The following DYTN variants were observed in gnomAD, a reference collection of about 807,000 sequenced individuals.
DYTN encodes the protein dystrotelin.
In DYTN, 75 loss-of-function variants were observed where a neutral mutation model predicts 69.6. The observed-to-expected ratio is 1.08, with a 90% CI of 0.89 to 1.31. The LOEUF (loss-of-function observed/expected upper bound fraction) is 1.31, where lower values mean the gene tolerates loss of function less well. DYTN is among the 50% of genes most tolerant of loss of function. DYTN has a pLI of 0.00. For missense variants in DYTN, 726 were observed against 688.4 expected, an observed-to-expected ratio of 1.05 and a Z score of -0.61; for synonymous variants, 252 against 249.1, an observed-to-expected ratio of 1.01 and a Z score of -0.11.
intron 10 of DYTN, among the ~76,000 whole-genome samples, chr2:206,664,709 G>C (rs1185800094): frequency 1.3e-5 from 2 of 152,104 alleles, no homozygotes; most frequent in Non-Finnish European, 2.9e-5. Context: ...TCAAAACTTA[G>C]AATTTTGGAA....
intron 9 of DYTN, among the ~76,000 whole-genome samples, chr2:206,670,964 C>T (rs1257569889): frequency 6.6e-6 from 1 of 152,144 alleles, no homozygotes; most frequent in African/African-American, 2.4e-5. Flanking sequence ...TTGCTTGCTA[C>T]CTGCGTGTGC....
At chr2:206,679,217 G>A (rs1384053457) in intron 9 of DYTN, 1 of 152,078 alleles carries the variant, frequency 6.6e-6, no homozygotes. Context: ...TAATTATCAG[G>A]TATGACATTG....
intron 2 of DYTN, among the ~76,000 whole-genome samples, chr2:206,709,301 T>G (rs1211856196): frequency 6.6e-6 from 1 of 151,902 alleles, no homozygotes; most frequent in Non-Finnish European, 1.5e-5. Flanking sequence ...TACAAAAAAT[T>G]GGCAGGGTGT....
intron 10 of DYTN, among the ~76,000 whole-genome samples, chr2:206,663,677 A>G (rs1477456108): frequency 1.3e-5 from 2 of 152,256 alleles, no homozygotes; most frequent in Non-Finnish European, 2.9e-5. Flanking sequence ...AGTTCTAAAA[A>G]TACCATAAGG....
At chr2:206,716,202 T>C (rs1041690456) in intron 1 of DYTN, among the ~76,000 whole-genome samples, 4 of 152,198 alleles carry the variant, frequency 2.6e-5, no homozygotes, top group Non-Finnish European at 5.9e-5. Context: ...TGATGTTTCT[T>C]GCCCTTGAGT....
chr2:206,709,349 T>A (rs1407859658), intron 2 of DYTN, among the ~76,000 whole-genome samples: 1 of 151,964 alleles, frequency 6.6e-6, no homozygotes, highest in Non-Finnish European at 1.5e-5. Context: ...CTCGGGAGGT[T>A]GAGGTGGAAG....
At chr2:206,693,680 C>T (rs1384976706) in intron 8 of DYTN, among the ~76,000 whole-genome samples, 1 of 152,130 alleles carries the variant, frequency 6.6e-6, no homozygotes, top group Non-Finnish European at 1.5e-5. Context: ...GATTTATTTC[C>T]AGCGAAATAC....
chr2:206,663,345 C>T lies in DYTN; in HGVS notation c.1191G>A (p.Gly397=). The T allele has an allele frequency of 6.2e-7, 1 of 1,612,542 alleles. No individual in the cohort carries two copies. Among genetic ancestry groups the T allele is most frequent in the Non-Finnish European group, 8.5e-7 (1 of 1,179,408 alleles). ...CAGTTGAAGAATGGTCAACCTTGTT[C>T]CCCACATTTTGAAAGGAAGAAGATG... The part of the protein sequence containing the change: ...GPSSSSFQNV[G]NKVDHSSTEK... Residue 397 remains glycine (G), a synonymous_variant, in exon 11 of 12, where the codon GGG becomes GGA. Transcript: ENST00000452335.
chr2:206,667,429 G>C (rs1699585271), intron 9 of DYTN, among the ~76,000 whole-genome samples: 1 of 152,022 alleles, frequency 6.6e-6, no homozygotes, highest in South Asian at 2.1e-4. Context: ...TTTTCAGTGA[G>C]GCATTATCTG....
At chr2:206,674,213 G>GA (rs34944664) in intron 9 of DYTN, among the ~76,000 whole-genome samples, 21,076 of 151,452 alleles carry the variant, frequency 0.14, 2,439 homozygotes, top group African/African-American at 0.31. Context: ...TGATCTTTAG[G>GA]AAAAAAAATG....
At chr2:206,691,721 G>C (rs1000738180) in intron 9 of DYTN, among the ~76,000 whole-genome samples, 1 of 152,056 alleles carries the variant, frequency 6.6e-6, no homozygotes, top group Non-Finnish European at 1.5e-5. Flanking sequence ...ATAATAGATA[G>C]CATCTAATTG....
At chr2:206,701,709 T>C (rs1253426456) in intron 5 of DYTN, among the ~76,000 whole-genome samples, 4 of 152,168 alleles carry the variant, frequency 2.6e-5, no homozygotes, top group Admixed American at 6.5e-5. Flanking sequence ...GGAATCTAAT[T>C]GCAGCATGGC....
chr2:206,679,254 T>C (rs1699724570), intron 9 of DYTN: 1 of 152,180 alleles, frequency 6.6e-6, no homozygotes, highest in African/African-American at 2.4e-5. Flanking sequence ...AAAATGTACA[T>C]TAGATATTGA....
chr2:206,677,905 G>A lies in DYTN; in HGVS notation c.981-11876C>T, dbSNP rs530725176. 5.3e-5 allele frequency among the ~76,000 whole-genome samples: 8 copies of A among 152,084 alleles called. No homozygotes were observed. In the East Asian group the frequency reaches 7.7e-4, roughly 15 times the overall value. On this transcript the variant is annotated intron_variant, in intron 9 of 11. Transcript: ENST00000452335. ...CTTGAGAGGCTGAGGCAGAATAATC[G>A]CTTGAACCCGGGAAGCGGAGGTTGC... is the stretch of plus-strand genomic sequence containing the variant.
intron 9 of DYTN, among the ~76,000 whole-genome samples, chr2:206,682,361 A>G (rs1385320423): frequency 6.6e-6 from 1 of 152,020 alleles, no homozygotes; most frequent in African/African-American, 2.4e-5. Context: ...TCAAGGGTAA[A>G]AGGTCAATTG....
intron 11 of DYTN, among the ~76,000 whole-genome samples, chr2:206,657,220 C>T (rs949374012): frequency 6.6e-6 from 1 of 152,034 alleles, no homozygotes; most frequent in African/African-American, 2.4e-5. Context: ...CTCAAGTGAC[C>T]CTCCCTCCTC....
intron 11 of DYTN, among the ~76,000 whole-genome samples, chr2:206,655,165 C>T (rs1699433423): frequency 6.6e-6 from 1 of 151,226 alleles, no homozygotes; most frequent in African/African-American, 2.4e-5. Flanking sequence ...CTTTCTATTC[C>T]TAGTTTGTTG....
At chr2:206,711,045 A>G (rs1264651405) in intron 1 of DYTN, among the ~76,000 whole-genome samples, 1 of 152,222 alleles carries the variant, frequency 6.6e-6, no homozygotes, top group Non-Finnish European at 1.5e-5. Context: ...TGGCCCTGGC[A>G]TGATTCTAGG....
chr2:206,706,453 T>C (rs1319080036), intron 3 of DYTN, among the ~76,000 whole-genome samples: 4 of 151,182 alleles, frequency 2.6e-5, no homozygotes, highest in Admixed American at 6.6e-5. Flanking sequence ...AAAAAATAAC[T>C]TGAGAATGTA....
Sources: allele counts gnomAD v4.1 joint callset (sites outside exome capture counted in the v4.1 genomes callset), GRCh38; gene constraint gnomAD v4.1.1; transcripts MANE v1.5; gene names NCBI Gene and HGNC (gene_info 2026-07-23, HGNC 2026-07-21).